The following PLCH1 variants were observed in gnomAD, a reference collection of about 807,000 sequenced individuals.
PLCH1 encodes the protein phospholipase C eta 1.
In PLCH1, 60 loss-of-function variants were observed where a neutral mutation model predicts 126.7. The observed-to-expected ratio is 0.47, with a 90% CI of 0.38 to 0.59. The LOEUF (loss-of-function observed/expected upper bound fraction) is 0.59, where lower values mean the gene tolerates loss of function less well. PLCH1 is among the 20% of genes least tolerant of loss of function. The pLI, the probability that PLCH1 is intolerant of heterozygous loss-of-function variation, is 0.00. For synonymous variants in PLCH1, 719 were observed against 734.9 expected, an observed-to-expected ratio of 0.98 and a Z score of 0.35; for missense variants, 1,723 against 2,040.0, an observed-to-expected ratio of 0.84 and a Z score of 2.99.
At chr3:155,524,539 T>C (rs1027116381) in intron 10 of PLCH1, among the ~76,000 whole-genome samples, 1 of 152,162 alleles carries the variant, frequency 6.6e-6, no homozygotes, top group Non-Finnish European at 1.5e-5. Context: ...AAATAAAATG[T>C]TGTATCATTA....
intron 8 of PLCH1, among the ~76,000 whole-genome samples, chr3:155,555,898 G>A (rs932845372): frequency 1.3e-5 from 2 of 152,174 alleles, no homozygotes; most frequent in Middle Eastern, 3.4e-3. Context: ...TAAGTGCAGC[G>A]GCTCAATGGG....
chr3:155,713,291 C>T (rs992086346), intron 1 of PLCH1, among the ~76,000 whole-genome samples: 1 of 152,110 alleles, frequency 6.6e-6, no homozygotes, highest in African/African-American at 2.4e-5. Flanking sequence ...CTAAATGAAA[C>T]ATTACTTATT....
intron 17 of PLCH1, among the ~76,000 whole-genome samples, chr3:155,493,379 CT>C (rs1264136741): frequency 1.3e-5 from 2 of 152,028 alleles, no homozygotes; most frequent in African/African-American, 2.4e-5. Context: ...ACACATTATC[CT>C]TTTTTTGCTT....
intron 10 of PLCH1, among the ~76,000 whole-genome samples, chr3:155,541,074 A>C (rs896363995): frequency 2.6e-5 from 4 of 152,206 alleles, no homozygotes; most frequent in African/African-American, 9.6e-5. Context: ...AAAGAATGAA[A>C]TATGGCATTT....
intron 10 of PLCH1, among the ~76,000 whole-genome samples, chr3:155,525,805 T>C (rs1721815710): frequency 1.3e-5 from 2 of 152,120 alleles, no homozygotes; most frequent in South Asian, 4.1e-4. Context: ...GAATTATATA[T>C]ATAATATTAT....
intron 1 of PLCH1, among the ~76,000 whole-genome samples, chr3:155,714,555 T>G (rs539702897): frequency 6.6e-6 from 1 of 152,278 alleles, no homozygotes; most frequent in African/African-American, 2.4e-5. Context: ...AAAGGGTACT[T>G]TGTTCATTTT....
chr3:155,504,828 G>A (rs1192927038), intron 12 of PLCH1, among the ~76,000 whole-genome samples: 1 of 152,136 alleles, frequency 6.6e-6, no homozygotes, highest in East Asian at 1.9e-4. Flanking sequence ...GGAAATATTG[G>A]CATGGAGAGA....
chr3:155,733,097 T>G (rs1023104591), intron 1 of PLCH1, among the ~76,000 whole-genome samples: 1 of 152,128 alleles, frequency 6.6e-6, no homozygotes, highest in African/African-American at 2.4e-5. Context: ...TATCCTGTGT[T>G]CATAAATTGG....
intron 1 of PLCH1, among the ~76,000 whole-genome samples, chr3:155,735,542 G>A (rs1385866139): frequency 1.3e-5 from 2 of 151,256 alleles, no homozygotes; most frequent in East Asian, 1.9e-4. Flanking sequence ...GCTGAGGCAG[G>A]AGAATCGCTT....
intron 10 of PLCH1, among the ~76,000 whole-genome samples, chr3:155,525,989 C>T (rs1028636809): frequency 1.3e-5 from 2 of 152,094 alleles, no homozygotes; most frequent in Non-Finnish European, 2.9e-5. Flanking sequence ...GGGGGTAAGG[C>T]CCAGGGGTCT....
intron 21 of PLCH1, among the ~76,000 whole-genome samples, chr3:155,468,191 A>C (rs905684087): frequency 6.6e-6 from 1 of 152,252 alleles, no homozygotes; most frequent in African/African-American, 2.4e-5. Flanking sequence ...AGGTTAAAAT[A>C]ATGGGTTATA....
At chr3:155,502,530 CAT>C (rs1422991765) in intron 13 of PLCH1, among the ~76,000 whole-genome samples, 3 of 152,108 alleles carry the variant, frequency 2.0e-5, no homozygotes, top group Non-Finnish European at 4.4e-5. Context: ...TCTAATTCCA[CAT>C]AGTTAGTAAT....
intron 1 of PLCH1, among the ~76,000 whole-genome samples, chr3:155,716,478 G>A (rs1747514877): frequency 6.6e-6 from 1 of 152,246 alleles, no homozygotes; most frequent in African/African-American, 2.4e-5. Flanking sequence ...TGTACAGGAA[G>A]TATGGCACCA....
At chr3:155,460,606 A>C (rs560486460) in intron 21 of PLCH1, among the ~76,000 whole-genome samples, 72 of 152,256 alleles carry the variant, frequency 4.7e-4, no homozygotes, top group African/African-American at 1.7e-3. Flanking sequence ...CAAGATAGTT[A>C]ATCAGAAGCA....
intron 2 of PLCH1, among the ~76,000 whole-genome samples, chr3:155,669,470 C>T (rs1020202835): frequency 5.3e-5 from 8 of 152,022 alleles, no homozygotes; most frequent in Admixed American, 3.9e-4. Context: ...CCCAGCTACT[C>T]GAGAGGCTAA....
chr3:155,563,147 C>T (rs138690969), intron 8 of PLCH1, among the ~76,000 whole-genome samples: 2,587 of 152,258 alleles, frequency 0.017, 29 homozygotes, highest in South Asian at 0.027. Flanking sequence ...TACTCCTAAT[C>T]GTTGTATTGC....
intron 6 of PLCH1, among the ~76,000 whole-genome samples, chr3:155,574,157 T>A (rs1240791709): frequency 6.6e-6 from 1 of 152,082 alleles, no homozygotes; most frequent in African/African-American, 2.4e-5. Context: ...TCAAGTGATC[T>A]GCCTGCCTCG....
intron 2 of PLCH1, among the ~76,000 whole-genome samples, chr3:155,685,025 A>T (rs749691701): frequency 2.6e-5 from 4 of 152,226 alleles, no homozygotes; most frequent in Non-Finnish European, 4.4e-5. Context: ...TAGAACAATG[A>T]ATGTCTTGCT....
intron 12 of PLCH1, among the ~76,000 whole-genome samples, chr3:155,510,961 G>T (rs1387121936): frequency 8.2e-6 from 1 of 121,332 alleles, no homozygotes; most frequent in Admixed American, 8.2e-5. Flanking sequence ...TTTCCAACTT[G>T]GTTCCATTCT....
Sources: gnomAD v4.1 joint callset for allele counts (sites outside exome capture counted in the v4.1 genomes callset) on GRCh38, gnomAD v4.1.1 for gene constraint, MANE v1.5 for transcripts, NCBI Gene and HGNC (gene_info 2026-07-23, HGNC 2026-07-21) for gene names.